ABCC4: variants seen among roughly 807,000 people sequenced by gnomAD.
ABCC4 encodes ATP binding cassette subfamily C member 4 (PEL blood group).
ABCC4 carries 102 observed loss-of-function variants against 168.5 expected under a neutral mutation model. The ratio of observed to expected loss-of-function variants is 0.61; its 90% CI spans 0.52 to 0.71. ABCC4 has a LOEUF of 0.71. Among genes scored for constraint, ABCC4 ranks in the 30% least tolerant of loss-of-function variants. The pLI is 0.00. For synonymous variants in ABCC4, 617 were observed against 590.7 expected (o/e 1.04, Z -0.65); for missense variants, 1,402 against 1,605.8 (o/e 0.87, Z 2.17).
intron 28 of ABCC4, 86 bp from the exon 29 acceptor site, chr13:95,043,873 T>TA: frequency 1.2e-6 from 1 of 855,668 alleles, no homozygotes; most frequent in Non-Finnish European, 1.8e-6. Flanking sequence ...CAATAGAGAT[T>TA]TAAAAAAAAA....
At chr13:95,231,287 T>A (rs906950185) in intron 4 of ABCC4, among the ~76,000 whole-genome samples, 1 of 152,356 alleles carries the variant, frequency 6.6e-6, no homozygotes, top group South Asian at 2.1e-4. Context: ...TGGTAAATTT[T>A]ATGTTATGCA....
intron 19 of ABCC4, among the ~76,000 whole-genome samples, chr13:95,145,866 A>G (rs1423305788): frequency 3.3e-5 from 5 of 152,142 alleles, no homozygotes; most frequent in Non-Finnish European, 7.4e-5. Flanking sequence ...CAAATATCAC[A>G]TGTTTTCACT....
At chr13:95,174,004 T>C (rs2037573241) in intron 13 of ABCC4, among the ~76,000 whole-genome samples, 2 of 152,180 alleles carry the variant, frequency 1.3e-5, no homozygotes, top group Admixed American at 6.5e-5. Flanking sequence ...TTATATGGAG[T>C]ACCTAGTTTA....
At chr13:95,127,833 G>C (rs982285615) in intron 19 of ABCC4, among the ~76,000 whole-genome samples, 2 of 152,042 alleles carry the variant, frequency 1.3e-5, no homozygotes, top group East Asian at 1.9e-4. Flanking sequence ...CCATGTATGG[G>C]AATGCGTAAC....
At chr13:95,278,737 G>T (rs2041034234) in intron 1 of ABCC4, among the ~76,000 whole-genome samples, 1 of 141,370 alleles carries the variant, frequency 7.1e-6, no homozygotes, top group African/African-American at 2.6e-5. Context: ...CAGGGAGGTT[G>T]AGGCTGCAGT....
intron 30 of ABCC4, among the ~76,000 whole-genome samples, chr13:95,032,709 G>T (rs1187718600): frequency 1.3e-5 from 2 of 151,756 alleles, no homozygotes; most frequent in African/African-American, 4.8e-5. Context: ...CTGTTGCCAG[G>T]CTGGAGTGCA....
intron 4 of ABCC4, among the ~76,000 whole-genome samples, chr13:95,228,341 G>C (rs2039526562): frequency 6.6e-6 from 1 of 152,114 alleles, no homozygotes; most frequent in African/African-American, 2.4e-5. Flanking sequence ...CTTGGGAAGG[G>C]TGCACAAGCC....
rs9561819 is a variant in ABCC4 at position 95,254,190 on chromosome 13, G to A, written c.75-6437C>T. On this transcript the variant is annotated intron_variant, in intron 1 of 30. Coordinates refer to ENST00000645237, the MANE Select transcript of ABCC4 (RefSeq NM_005845.5). ...TGGGATTATAGGCATGAGCCACTGC[G>A]CCTGGCCTAAAGGGGGTTTTATAAA... Among the ~76,000 whole-genome samples the A allele has an allele frequency of 1.8e-4, 28 of 152,292 alleles. No homozygotes were observed. The East Asian group carries it at 5.2e-3, about 28-fold the overall frequency.
At chr13:95,071,877 GGGGTTAGGAAT>G in intron 24 of ABCC4, 24 bp from the exon 25 acceptor site, 5 of 1,457,722 alleles carry the variant, frequency 3.4e-6, no homozygotes, top group Non-Finnish European at 4.5e-6. Flanking sequence ...GACATCCCGA[GGGGTTAGGAAT>G]GGAGGGTGTC....
intron 19 of ABCC4, among the ~76,000 whole-genome samples, chr13:95,124,783 A>C (rs556279764): frequency 6.8e-6 from 1 of 147,362 alleles, no homozygotes; most frequent in Non-Finnish European, 1.5e-5. Context: ...CGTGAGGCTG[A>C]GGCAGAATTG....
At chr13:95,131,561 G>A (rs910703242) in intron 19 of ABCC4, among the ~76,000 whole-genome samples, 5 of 152,028 alleles carry the variant, frequency 3.3e-5, no homozygotes, top group Non-Finnish European at 7.4e-5. Flanking sequence ...CCCCAGAGGC[G>A]GAGGCTACAG....
chr13:95,289,978 C>T (rs2138946619), intron 1 of ABCC4, among the ~76,000 whole-genome samples: 1 of 152,090 alleles, frequency 6.6e-6, no homozygotes, highest in East Asian at 1.9e-4. Flanking sequence ...TGCCTATAAT[C>T]CCAGCTACTC....
chr13:95,083,395 T>C (rs1472335290), intron 20 of ABCC4, 105 bp from the exon 21 acceptor site: 4 of 1,353,460 alleles, frequency 3.0e-6, no homozygotes, highest in South Asian at 1.4e-5. Context: ...GAAAGACTTA[T>C]TGTAGTACCA....
intron 27 of ABCC4, among the ~76,000 whole-genome samples, chr13:95,046,901 G>A (rs2032602781): frequency 6.6e-6 from 1 of 152,132 alleles, no homozygotes; most frequent in Admixed American, 6.5e-5. Context: ...TGGGGAAATT[G>A]AAAATATATT....
intron 1 of ABCC4, among the ~76,000 whole-genome samples, chr13:95,287,552 A>G (rs1594446710): frequency 6.6e-6 from 1 of 151,500 alleles, no homozygotes; most frequent in African/African-American, 2.4e-5. Context: ...ACGCCATTGC[A>G]CTCCAGCCTG....
At chr13:95,274,480 T>C (rs1263464226) in intron 1 of ABCC4, among the ~76,000 whole-genome samples, 3 of 152,104 alleles carry the variant, frequency 2.0e-5, no homozygotes. Context: ...AACAAGCAAC[T>C]AGAAACCATG....
At chr13:95,280,726 A>G (rs2041099780) in intron 1 of ABCC4, among the ~76,000 whole-genome samples, 1 of 151,918 alleles carries the variant, frequency 6.6e-6, no homozygotes, top group South Asian at 2.1e-4. Context: ...CCTCCTCCTT[A>G]CAGGAAAGGA....
At chr13:95,150,873 G>T (rs952749893) in intron 19 of ABCC4, among the ~76,000 whole-genome samples, 4 of 152,160 alleles carry the variant, frequency 2.6e-5, no homozygotes, top group African/African-American at 9.7e-5. Flanking sequence ...AGAAATTGTT[G>T]TGAGTCCACT....
intron 1 of ABCC4, among the ~76,000 whole-genome samples, chr13:95,294,277 C>T (rs1208493535): frequency 1.3e-5 from 2 of 152,018 alleles, no homozygotes; most frequent in African/African-American, 4.8e-5. Context: ...GCAAGAGAAT[C>T]GCTTGAACCC....
Sources: gnomAD v4.1 joint callset for allele counts (sites outside exome capture counted in the v4.1 genomes callset) on GRCh38, gnomAD v4.1.1 for gene constraint, MANE v1.5 for transcripts, NCBI Gene and HGNC (gene_info 2026-07-23, HGNC 2026-07-21) for gene names.